The following CCDC120 variants were observed in gnomAD, a reference collection of about 807,000 sequenced individuals.
CCDC120 encodes coiled-coil domain containing 120, also known as coiled-coil domain-containing protein 120.
Under a neutral mutation model 37.6 loss-of-function variants are expected in CCDC120, and 16 were observed. That is an observed-to-expected ratio of 0.43 (90% CI 0.29 to 0.65). The LOEUF (loss-of-function observed/expected upper bound fraction) is 0.65, where lower values mean the gene tolerates loss of function less well. Among genes scored for constraint, CCDC120 ranks in the 30% least tolerant of loss-of-function variants. The pLI, the probability that CCDC120 is intolerant of heterozygous loss-of-function variation, is 0.18. For synonymous variants in CCDC120, 309 were observed against 275.4 expected, an observed-to-expected ratio of 1.12 and a Z score of -1.21; for missense variants, 650 against 657.4, an observed-to-expected ratio of 0.99 and a Z score of 0.12.
chrX:49,059,163 T>G, intron 1 of CCDC120, 68 bp downstream of exon 1: 1 of 122,517 alleles, frequency 8.2e-6, no homozygotes, highest in African/African-American at 3.2e-5. Context: ...TGGGGCAGGG[T>G]GTACTGAAGT....
intron 9 of CCDC120, chrX:49,066,878 C>T (rs782497762): frequency 3.4e-5 from 10 of 297,433 alleles, no homozygotes; most frequent in African/African-American, 8.2e-5. Flanking sequence ...GCCCCCTGCC[C>T]GGCATCTACT....
intron 3 of CCDC120, 66 bp downstream of exon 3, chrX:49,062,391 AAG>A: frequency 1.7e-6 from 2 of 1,207,112 alleles, no homozygotes; most frequent in Non-Finnish European, 2.2e-6. Context: ...CTTGCTCGGG[AAG>A]AGTTGGTCCC....
chrX:49,062,631 G>A (rs781888962), intron 4 of CCDC120, 30 bp downstream of exon 4: 42 of 1,188,559 alleles, frequency 3.5e-5, no homozygotes, highest in Non-Finnish European at 4.4e-5. Context: ...GGTATCAGGC[G>A]GGGAGGTTGG....
intron 1 of CCDC120, among the ~76,000 whole-genome samples, chrX:49,059,792 T>A (rs1288996281): frequency 4.8e-5 from 5 of 105,038 alleles, no homozygotes; most frequent in Non-Finnish European, 7.8e-5. Context: ...CTGCAGCTGG[T>A]CCCTGGGACA....
rs1327664317 is a variant in CCDC120 at position 49,061,994 on chromosome X, G to A, written c.-48G>A. 34 of 1,150,624 alleles carry A rather than the reference G, an allele frequency of 3.0e-5. No homozygotes were observed. In the African/African-American group the frequency reaches 5.8e-4, roughly 19 times the overall value. The allele number at this position is 1,150,624 out of a possible 1,213,427, so 94.8% of individuals were successfully genotyped here. The stretch of plus-strand genomic sequence containing the variant: ...TGGCTGTGACCCATGGGCCTCTGAG[G>A]AGGCGTTGTAAGTCCGCCCAGCTCC... On this transcript the variant is annotated 5_prime_UTR_variant, in exon 2 of 11. Transcript: ENST00000603986.
At position 49,067,177 on chromosome X, in the gene CCDC120, C is replaced by T; in HGVS notation, c.1063C>T (p.Pro355Ser). Residue 355 changes from proline to serine, a missense_variant and splice_region_variant, in exon 10 of 11, where the codon CCT becomes TCT. By Grantham distance (74) the Pro-to-Ser change is moderately conservative (BLOSUM62 -1). Coordinates refer to ENST00000603986, the MANE Select transcript of CCDC120 (RefSeq NM_001163321.4). ...CATGACCCTCGCCTCTCACCCCAGA[C>T]CTGAAGGCCTTCATTCTCGTCAGTG... ...TRGAGPQLCK[P>S]EGLHSRQWSG... The T allele has an allele frequency of 8.3e-7, 1 of 1,209,019 alleles. No homozygotes were observed. Among genetic ancestry groups the T allele is most frequent in the Non-Finnish European group, 1.1e-6 (1 of 893,713 alleles).
chrX:49,064,400 G>C lies in CCDC120; in HGVS notation c.460G>C (p.Val154Leu), dbSNP rs782719151. ...ELALEALERE[V>L]SVQQQIAAAA... ...GGCTCTTGAGGCCCTGGAACGCGAGGTGTCAGTGCAACAGCAGATCGCGGC... is the reference window on the plus strand; with the variant it reads ...GGCTCTTGAGGCCCTGGAACGCGAGCTGTCAGTGCAACAGCAGATCGCGGC... The change falls in exon 6 of 11, where the codon GTG becomes CTG. Residue 154 changes from valine (V) to leucine (L), a missense_variant. Val to Leu is a conservative substitution (Grantham distance 32). Around this residue, in one of 3 missense-constraint regions of CCDC120, gnomAD observed 576 missense variants for 565.3 expected, o/e 1.02. Transcript: ENST00000603986. 8.5e-7 allele frequency: 1 copy of C among 1,175,660 alleles called. No homozygotes were observed.
exon 1 of CCDC120, chrX:49,053,753 C>T (rs1314186224): frequency 1.8e-5 from 2 of 113,061 alleles, no homozygotes; most frequent in African/African-American, 6.4e-5. Context: ...GGCCCACGGG[C>T]AGGGCGCCGA....
chrX:49,056,819 G>A (rs1005816436), upstream of CCDC120, among the ~76,000 whole-genome samples: 2 of 111,349 alleles, frequency 1.8e-5, no homozygotes, highest in Non-Finnish European at 3.8e-5. Flanking sequence ...CTGTGGGGAA[G>A]AATACTTGTA....
chrX:49,066,444 AC>A (rs1408800072), intron 9 of CCDC120: 3 of 112,144 alleles, frequency 2.7e-5, no homozygotes, highest in Non-Finnish European at 5.6e-5. Flanking sequence ...CGTGGCATCA[AC>A]TCATTTAATC....
rs1249541236 is a variant in CCDC120, at chrX:49,067,421, C to T, written c.1307C>T (p.Pro436Leu). 3.4e-6 allele frequency: 4 copies of T among 1,189,685 alleles called. No homozygotes were observed. Among genetic ancestry groups the T allele is most frequent in the East Asian group, 6.0e-5 (2 of 33,064 alleles). ...AGCAGTGAGGTGCTGTATGAGCGCC[C>T]CCAACCAACCCCTGCCTTCTCCTCC... ...CKSSEVLYER[P>L]QPTPAFSSRT... The change falls in exon 10 of 11, where the codon CCC becomes CTC. Residue 436 changes from proline to leucine, a missense_variant. Physicochemically the swap from Pro to Leu is moderately conservative, Grantham distance 98. This residue lies in a region of CCDC120 where 576 missense variants were observed against 565.3 expected (regional missense o/e 1.02). Coordinates refer to ENST00000603986, the MANE Select transcript of CCDC120 (RefSeq NM_001163321.4).
At chrX:49,058,658 G>A (rs2064847970), upstream of CCDC120, among the ~76,000 whole-genome samples, 1 of 112,684 alleles carries the variant, frequency 8.9e-6, no homozygotes, top group African/African-American at 3.2e-5. Flanking sequence ...TACGGGGTGA[G>A]GAGGCACAGG....
chrX:49,058,078 G>A (rs782668106), upstream of CCDC120, among the ~76,000 whole-genome samples: 12 of 111,224 alleles, frequency 1.1e-4, no homozygotes, highest in Non-Finnish European at 1.7e-4. Context: ...CCCAGCCCCC[G>A]GAAATTCTGA....
At chrX:49,065,890 A>G in intron 9 of CCDC120, 45 bp downstream of exon 9, 1 of 1,077,493 alleles carries the variant, frequency 9.3e-7, no homozygotes, top group Non-Finnish European at 1.3e-6. Flanking sequence ...AGGGGAGGGA[A>G]CCATTAGTTC....
At chrX:49,065,228 GCTTCTC>G in intron 7 of CCDC120, 130 bp downstream of exon 7, 2 of 755,429 alleles carry the variant, frequency 2.6e-6, no homozygotes, top group Non-Finnish European at 4.0e-6. Flanking sequence ...TGCTGCTTCA[GCTTCTC>G]CTTAGCCATG....
intron 4 of CCDC120, among the ~76,000 whole-genome samples, chrX:49,063,363 A>C (rs1557080046): frequency 9.1e-6 from 1 of 110,295 alleles, no homozygotes. Flanking sequence ...CAAAAAAAAA[A>C]AATATGGTAA....
Position 49,064,641 on chromosome X carries a change from T to C in CCDC120, c.701T>C (p.Met234Thr), listed in dbSNP as rs1367035870. 4 of 1,189,742 alleles carry C rather than the reference T, an allele frequency of 3.4e-6. No homozygotes were observed. Among genetic ancestry groups the C allele is most frequent in the Non-Finnish European group, 4.5e-6 (4 of 883,361 alleles). ...VITTQGVCLG[M>T]RLAQLSQEDV... is the part of the protein sequence containing the mutation. ...ACCACCCAGGGAGTCTGCCTGGGCA[T>C]GCGTCTTGCTCAGCTCAGCCAAGGT... is the stretch of plus-strand genomic sequence containing the variant. The change falls in exon 6 of 11, where the codon ATG becomes ACG. Residue 234 changes from methionine to threonine, a missense_variant. Met to Thr is a moderately conservative substitution (Grantham distance 81, BLOSUM62 -1). Around this residue, in one of 3 missense-constraint regions of CCDC120, gnomAD observed 576 missense variants for 565.3 expected, o/e 1.02. Transcript: ENST00000603986.
chrX:49,060,517 C>T (rs947886657), intron 1 of CCDC120, among the ~76,000 whole-genome samples: 2 of 105,842 alleles, frequency 1.9e-5, no homozygotes, highest in African/African-American at 6.9e-5. Flanking sequence ...CAAGGGGGAC[C>T]GTGGATGGAG....
Position 49,064,395 on chromosome X carries a change from G to A in CCDC120, c.455G>A (p.Arg152His), listed in dbSNP as rs782022133. 4.3e-5 allele frequency: 50 copies of A among 1,171,291 alleles called. No homozygotes were observed. Among genetic ancestry groups the A allele is most frequent in the Non-Finnish European group, 5.4e-5 (47 of 875,916 alleles). The change falls in exon 6 of 11, where the codon CGC (arginine) becomes CAC (histidine). Residue 152 changes from arginine to histidine, a missense_variant. Coordinates refer to ENST00000603986, the MANE Select transcript of CCDC120 (RefSeq NM_001163321.4). ...AEELALEALE[R>H]EVSVQQQIAA... ...GAGCTGGCTCTTGAGGCCCTGGAAC[G>A]CGAGGTGTCAGTGCAACAGCAGATC...
Sources: allele counts gnomAD v4.1 joint callset (sites outside exome capture counted in the v4.1 genomes callset), GRCh38; gene constraint gnomAD v4.1.1; regional missense constraint gnomAD v4.1.1; transcripts MANE v1.5; gene names NCBI Gene and HGNC (gene_info 2026-07-23, HGNC 2026-07-21).